The following ATF3 variants were observed in gnomAD, a reference collection of about 807,000 sequenced individuals.
ATF3 encodes the protein activating transcription factor 3.
A neutral mutation model predicts 18.4 loss-of-function variants in ATF3; 10 were observed. That is an observed-to-expected ratio of 0.54 (90% CI 0.34 to 0.92). ATF3 has a LOEUF of 0.92. Ranked by LOEUF, ATF3 falls within the 40% of genes least tolerant of loss-of-function variation. The probability of loss-of-function intolerance (pLI) is 0.02; values close to 1 mark genes in which losing one functional copy is unlikely to be tolerated. For synonymous variants in ATF3, 78 were observed against 87.9 expected, an observed-to-expected ratio of 0.89 and a Z score of 0.63; for missense variants, 183 against 222.3, an observed-to-expected ratio of 0.82 and a Z score of 1.12.
chr1:212,567,620 G>T (rs1048535898), intron 1 of ATF3, among the ~76,000 whole-genome samples: 1 of 152,166 alleles, frequency 6.6e-6, no homozygotes, highest in African/African-American at 2.4e-5. Flanking sequence ...CTAGGGAAAG[G>T]TGGATTTAAA....
intron 1 of ATF3, among the ~76,000 whole-genome samples, chr1:212,567,569 G>GA (rs1231510037): frequency 3.9e-5 from 6 of 152,056 alleles, no homozygotes; most frequent in Middle Eastern, 3.4e-3. Flanking sequence ...TTTTTATAGG[G>GA]AAAAAAATGT....
At chr1:212,567,568 G>A (rs911777713) in intron 1 of ATF3, among the ~76,000 whole-genome samples, 5 of 151,868 alleles carry the variant, frequency 3.3e-5, no homozygotes, top group Admixed American at 1.3e-4. Context: ...CTTTTTATAG[G>A]GAAAAAAATG....
intron 1 of ATF3, among the ~76,000 whole-genome samples, chr1:212,591,373 C>A (rs1664881357): frequency 6.6e-6 from 1 of 152,210 alleles, no homozygotes; most frequent in South Asian, 2.1e-4. Context: ...AAAGTGATAT[C>A]TTGGCTTATG....
intron 1 of ATF3, among the ~76,000 whole-genome samples, chr1:212,612,893 T>A (rs548122416): frequency 6.6e-6 from 1 of 152,154 alleles, no homozygotes; most frequent in Non-Finnish European, 1.5e-5. Flanking sequence ...GCTGGAGAGA[T>A]CTCTGGGAGG....
chr1:212,615,826 A>C (rs1037858765), intron 2 of ATF3, among the ~76,000 whole-genome samples: 15 of 146,598 alleles, frequency 1.0e-4, no homozygotes, highest in Non-Finnish European at 1.2e-4. Context: ...GTGTTGCTCC[A>C]TCACCCAGGC....
In ATF3 at chr1:212,615,054, C is replaced by G. The variant is rs778079090; in HGVS notation, c.33C>G (p.Ala11=). Residue 11 remains alanine (A), a synonymous_variant, in exon 2 of 4, where the codon GCC becomes GCG. Transcript: ENST00000341491. The stretch of plus-strand genomic sequence containing the variant: ...TTCAACACCCAGGCCAGGTCTCTGC[C>G]TCGGAAGTGAGTGCTTCTGCCATCG... MMLQHPGQVS[A]SEVSASAIVP... is the part of the protein sequence containing the mutation. The G allele has an allele frequency of 6.2e-7, 1 of 1,614,168 alleles. No homozygotes were observed. The highest frequency in any genetic ancestry group is 8.5e-7 in the Non-Finnish European group (1 of 1,180,034).
chr1:212,609,153 T>C (rs1052361614), intron 1 of ATF3, among the ~76,000 whole-genome samples: 121 of 152,344 alleles, frequency 7.9e-4, no homozygotes, highest in African/African-American at 2.8e-3. Flanking sequence ...CTTTCTCTTT[T>C]GACTTGGGGC....
intron 1 of ATF3, among the ~76,000 whole-genome samples, chr1:212,610,671 G>T (rs1357841066): frequency 6.6e-6 from 1 of 151,974 alleles, no homozygotes; most frequent in African/African-American, 2.4e-5. Flanking sequence ...TTTCTCCATG[G>T]CCGTTTTCTT....
intron 1 of ATF3, among the ~76,000 whole-genome samples, chr1:212,601,835 A>G (rs769738317): frequency 6.6e-6 from 1 of 152,170 alleles, no homozygotes; most frequent in Non-Finnish European, 1.5e-5. Flanking sequence ...AGGTTTCCAT[A>G]TGACTTGGTA....
At chr1:212,568,692 G>C (rs1392929569) in intron 1 of ATF3, among the ~76,000 whole-genome samples, 9 of 152,138 alleles carry the variant, frequency 5.9e-5, no homozygotes, top group Non-Finnish European at 1.5e-5. Flanking sequence ...TGTCCTCCTG[G>C]TGACTGTCAT....
intron 1 of ATF3, among the ~76,000 whole-genome samples, chr1:212,588,477 T>C (rs1571767019): frequency 6.6e-6 from 1 of 152,146 alleles, no homozygotes; most frequent in African/African-American, 2.4e-5. Context: ...TAGCGCCTCA[T>C]GCCTATCAGA....
In ATF3 at chr1:212,589,471, T is replaced by C. The variant is rs1025246436; in HGVS notation, c.-5+23988T>C. Reference sequence around the variant, plus strand: ...CATATAAGTGTACAGAGGGAACCCATAGAAGAACTAAATTATAAATAAAAA... The same window carrying C: ...CATATAAGTGTACAGAGGGAACCCACAGAAGAACTAAATTATAAATAAAAA... On this transcript the variant is annotated intron_variant, in intron 1 of 3. Coordinates refer to the ATF3 transcript ENST00000366981. Among the ~76,000 whole-genome samples the C allele has an allele frequency of 5.3e-5, 8 of 152,122 alleles. No homozygotes were observed. In the South Asian group the frequency reaches 6.2e-4, roughly 12 times the overall value.
intron 1 of ATF3, among the ~76,000 whole-genome samples, chr1:212,594,362 C>CT (rs773223174): frequency 1.3e-5 from 2 of 152,050 alleles, no homozygotes; most frequent in Non-Finnish European, 2.9e-5. Context: ...ATACAAATAA[C>CT]TTATTTCTAA....
At position 212,618,174 on chromosome 1, in the gene ATF3, T is replaced by G; in HGVS notation, c.288T>G (p.Asn96Lys). 6.2e-7 allele frequency: 1 copy of G among 1,614,082 alleles called. No homozygotes were observed. The highest frequency in any genetic ancestry group is 8.5e-7 in the Non-Finnish European group (1 of 1,179,988). ...DERKKRRRER[N>K]KIAAAKCRNK... is the part of the protein sequence containing the mutation. ...GGAAAAAGAGGCGACGAGAAAGAAATAAGATTGCAGCTGCAAAGTGCCGAA... is the reference window on the plus strand; with the variant it reads ...GGAAAAAGAGGCGACGAGAAAGAAAGAAGATTGCAGCTGCAAAGTGCCGAA... Residue 96 changes from asparagine to lysine, a missense_variant, in exon 3 of 4, where the codon AAT (asparagine) becomes AAG (lysine). By Grantham distance (94) the Asn-to-Lys change is moderately conservative. Coordinates refer to ENST00000341491, the MANE Select transcript of ATF3 (RefSeq NM_001674.4). The surrounding 1 kb of genome is among the most constrained non-coding windows in gnomAD (Gnocchi z 4.4).
chr1:212,602,489 C>G (rs1383759835), intron 1 of ATF3, among the ~76,000 whole-genome samples: 2 of 152,144 alleles, frequency 1.3e-5, no homozygotes, highest in African/African-American at 4.8e-5. Flanking sequence ...ATCAGAGCAT[C>G]CCAAGTTTCC....
At chr1:212,605,841 C>T (rs1237272987), upstream of ATF3, among the ~76,000 whole-genome samples, 1 of 152,222 alleles carries the variant, frequency 6.6e-6, no homozygotes, top group African/African-American at 2.4e-5. Context: ...CCAGGCAATT[C>T]ACCATCATAA....
In ATF3 at chr1:212,620,051, T is replaced by G. The variant is rs551718083; in HGVS notation, c.*496T>G. ...GCAAATATGCTGTTATGTCCAGAAA[T>G]TGTGTGTGCAAGAAAACTAGGCAAT... On this transcript the variant is annotated 3_prime_UTR_variant, in exon 4 of 4. Transcript: ENST00000341491. 11 of 189,536 alleles carry G rather than the reference T, an allele frequency of 5.8e-5. No homozygotes were observed. The highest frequency in any genetic ancestry group is 1.2e-4 in the Non-Finnish European group (11 of 89,626). The allele number at this position is 189,536 out of a possible 1,614,324, so 11.7% of individuals were successfully genotyped here.
upstream of ATF3, among the ~76,000 whole-genome samples, chr1:212,605,645 C>T (rs1027588747): frequency 2.8e-4 from 43 of 152,224 alleles, 1 homozygote; most frequent in Admixed American, 7.2e-4. Context: ...TTTTCTTTTG[C>T]GTTTGGCTCC....
At chr1:212,595,502 C>A (rs767832457) in intron 1 of ATF3, among the ~76,000 whole-genome samples, 8 of 152,216 alleles carry the variant, frequency 5.3e-5, no homozygotes, top group Non-Finnish European at 1.2e-4. Context: ...CACAGTGGTC[C>A]CTGGCCTGGT....
Sources: gnomAD v4.1 joint callset for allele counts (sites outside exome capture counted in the v4.1 genomes callset) on GRCh38, gnomAD v4.1.1 for gene constraint, Gnocchi (gnomAD v3.1) non-coding constraint, MANE v1.5 for transcripts, NCBI Gene and HGNC (gene_info 2026-07-23, HGNC 2026-07-21) for gene names.